RAF1: variants seen among roughly 807,000 people sequenced by gnomAD.
RAF1 encodes the protein RAF proto-oncogene serine/threonine-protein kinase.
Under a neutral mutation model 81.1 loss-of-function variants are expected in RAF1, and 27 were observed. The observed-to-expected ratio is 0.33, with a 90% confidence interval of 0.25 to 0.46. RAF1 has a LOEUF of 0.46. RAF1 is among the 20% of genes least tolerant of loss of function. RAF1 has a pLI of 1.00. For missense variants in RAF1, 598 were observed against 826.0 expected, an observed-to-expected ratio of 0.72 and a Z score of 3.38; for synonymous variants, 298 against 294.0, an observed-to-expected ratio of 1.01 and a Z score of -0.14.
intron 12 of RAF1, 46 bp downstream of exon 11, chr3:12,591,662 C>T (rs2058517964): frequency 6.6e-7 from 1 of 1,526,406 alleles, no homozygotes; most frequent in Middle Eastern, 1.7e-4. Context: ...CTTGTACTCC[C>T]CACTCCAGCA....
intron 5 of RAF1, among the ~76,000 whole-genome samples, chr3:12,606,960 G>C (rs551409588): frequency 7.7e-4 from 117 of 152,230 alleles, no homozygotes; most frequent in African/African-American, 2.6e-3. Flanking sequence ...CAAAGTGCTG[G>C]GATTACAGGC....
intron 1 of RAF1, among the ~76,000 whole-genome samples, chr3:12,627,652 C>CA (rs958972878): frequency 6.6e-5 from 10 of 150,872 alleles, no homozygotes; most frequent in South Asian, 2.1e-4. Context: ...CTAGGTTCAC[C>CA]AAAAAAAAAT....
intron 1 of RAF1, among the ~76,000 whole-genome samples, chr3:12,629,042 C>G (rs2059791794): frequency 6.6e-6 from 1 of 152,246 alleles, no homozygotes; most frequent in South Asian, 2.1e-4. Flanking sequence ...CCACACCCAG[C>G]CAGTTCACTA....
intron 1 of RAF1, among the ~76,000 whole-genome samples, chr3:12,662,676 G>C (rs558881756): frequency 2.0e-5 from 3 of 151,948 alleles, no homozygotes; most frequent in East Asian, 1.9e-4. Flanking sequence ...CTAAGCCTTT[G>C]TACCAGCTGT....
chr3:12,656,572 T>C (rs1014968867), intron 1 of RAF1, among the ~76,000 whole-genome samples: 1 of 152,210 alleles, frequency 6.6e-6, no homozygotes, highest in African/African-American at 2.4e-5. Flanking sequence ...CTCTGATTAA[T>C]GTTTGCTGTG....
At chr3:12,641,095 G>A (rs2060170289) in intron 1 of RAF1, among the ~76,000 whole-genome samples, 3 of 151,750 alleles carry the variant, frequency 2.0e-5, no homozygotes, top group Admixed American at 2.0e-4. Flanking sequence ...CCATCATTCT[G>A]AGCAAACTAT....
chr3:12,584,734 T>G (rs1363568725), intron 17 of RAF1, 77 bp from the exon 17 acceptor site: 1 of 1,613,038 alleles, frequency 6.2e-7, no homozygotes, highest in Admixed American at 1.7e-5. Flanking sequence ...CACCATCTTG[T>G]AGAGGACCTG....
intron 12 of RAF1, among the ~76,000 whole-genome samples, chr3:12,591,329 T>C (rs971891510): frequency 1.3e-5 from 2 of 151,968 alleles, no homozygotes; most frequent in African/African-American, 4.8e-5. Context: ...GACTGAAAGA[T>C]TGGAAAGCTG....
intron 1 of RAF1, among the ~76,000 whole-genome samples, chr3:12,645,464 T>C (rs866039026): frequency 6.6e-6 from 1 of 152,330 alleles, no homozygotes; most frequent in Middle Eastern, 3.4e-3. Flanking sequence ...TACTCAGACT[T>C]TACATCTCTT....
intron 1 of RAF1, among the ~76,000 whole-genome samples, chr3:12,660,828 G>A (rs2060852234): frequency 6.6e-6 from 1 of 152,044 alleles, no homozygotes; most frequent in East Asian, 1.9e-4. Flanking sequence ...CATAAAAGTT[G>A]GCTAGGCGTG....
chr3:12,606,133 G>T (rs2059021077), intron 6 of RAF1, 68 bp downstream of exon 6: 4 of 1,182,300 alleles, frequency 3.4e-6, no homozygotes, highest in African/African-American at 1.5e-5. Flanking sequence ...CTTATTTTTT[G>T]TCTTCAAGCT....
intron 1 of RAF1, among the ~76,000 whole-genome samples, chr3:12,646,320 G>A (rs2060346443): frequency 6.6e-6 from 1 of 152,020 alleles, no homozygotes; most frequent in Non-Finnish European, 1.5e-5. Context: ...ATAATCTACA[G>A]CAAATGGATA....
At chr3:12,620,502 G>T (rs551171262) in intron 1 of RAF1, among the ~76,000 whole-genome samples, 1 of 152,092 alleles carries the variant, frequency 6.6e-6, no homozygotes, top group Non-Finnish European at 1.5e-5. Flanking sequence ...ACAGGGTCTT[G>T]CTCTGTTGCC....
intron 1 of RAF1, among the ~76,000 whole-genome samples, chr3:12,639,982 C>T (rs2060135404): frequency 6.6e-6 from 1 of 152,138 alleles, no homozygotes; most frequent in Admixed American, 6.6e-5. Context: ...TACAAGGCTA[C>T]AGTAACCAAA....
intron 1 of RAF1, among the ~76,000 whole-genome samples, chr3:12,619,544 G>A (rs1199619828): frequency 7.5e-5 from 11 of 147,110 alleles, no homozygotes; most frequent in African/African-American, 1.8e-4. Context: ...CAGGCTGGGG[G>A]ACAAGAGCGA....
At chr3:12,600,515 ATAAAAACCTC>A in intron 8 of RAF1, 100 bp from the exon 8 acceptor site, 4 of 1,315,162 alleles carry the variant, frequency 3.0e-6, no homozygotes, top group Non-Finnish European at 3.3e-6. Flanking sequence ...AAAATAGATT[ATAAAAACCTC>A]TAAAAACCAT....
chr3:12,639,408 A>G (rs932349625), intron 1 of RAF1, among the ~76,000 whole-genome samples: 1 of 152,198 alleles, frequency 6.6e-6, no homozygotes, highest in Non-Finnish European at 1.5e-5. Flanking sequence ...AGGGTATTCA[A>G]TTAGGAAAAG....
chr3:12,627,826 AAGTT>A (rs2059749637), intron 1 of RAF1, among the ~76,000 whole-genome samples: 1 of 152,228 alleles, frequency 6.6e-6, no homozygotes, highest in Admixed American at 6.5e-5. Flanking sequence ...TTCTTTTAGA[AAGTT>A]AGAGTGTGGC....
At chr3:12,606,681 A>C (rs1357192755) in intron 5 of RAF1, among the ~76,000 whole-genome samples, 1 of 151,732 alleles carries the variant, frequency 6.6e-6, no homozygotes, top group African/African-American at 2.4e-5. Flanking sequence ...ACAGGCACAC[A>C]CCACCATGCC....
Sources: allele counts gnomAD v4.1 joint callset (sites outside exome capture counted in the v4.1 genomes callset), GRCh38; gene constraint gnomAD v4.1.1; transcripts MANE v1.5; gene names NCBI Gene and HGNC (gene_info 2026-07-23, HGNC 2026-07-21).